GABBR2: variants seen among roughly 807,000 people sequenced by gnomAD.
GABBR2 encodes G-protein coupled receptor 51.
In GABBR2, 23 loss-of-function variants were observed where a neutral mutation model predicts 105.6. The observed-to-expected ratio is 0.22, with a 90% CI of 0.16 to 0.31. The LOEUF is 0.31. GABBR2 is among the 10% of genes least tolerant of loss of function. GABBR2 has a pLI of 1.00. For missense variants in GABBR2, 734 were observed against 1,245.5 expected (o/e 0.59, Z 6.18); for synonymous variants, 478 against 499.7 (o/e 0.96, Z 0.58).
chr9:98,636,488 T>C (rs1420644276), intron 1 of GABBR2, among the ~76,000 whole-genome samples: 1 of 99,252 alleles, frequency 1.0e-5, no homozygotes, highest in Non-Finnish European at 2.0e-5. Context: ...TTCCTTTCTT[T>C]TTTTTTTTTT....
chr9:98,566,117 C>A (rs537522498), intron 2 of GABBR2, among the ~76,000 whole-genome samples: 7 of 152,158 alleles, frequency 4.6e-5, no homozygotes, highest in Non-Finnish European at 8.8e-5. Context: ...CGAGAGCTGG[C>A]GAAGGTGACC....
intron 6 of GABBR2, among the ~76,000 whole-genome samples, chr9:98,461,034 C>T (rs1337606944): frequency 2.0e-5 from 3 of 152,190 alleles, no homozygotes; most frequent in African/African-American, 7.2e-5. Flanking sequence ...CTAAAATCCT[C>T]TATCTAGTCA....
Position 98,362,853 on chromosome 9 carries a change from G to A in GABBR2, c.1771-16C>T. On this transcript the variant is annotated splice_polypyrimidine_tract_variant and intron_variant, in intron 12 of 18. Coordinates refer to ENST00000259455, the MANE Select transcript of GABBR2 (RefSeq NM_005458.8). Reference sequence around the variant, plus strand: ...CCTTGATGATCTACAGAGCGGGAAGGAGCAGAGGGGAGCCGATGTGAGAGA... The same window carrying A: ...CCTTGATGATCTACAGAGCGGGAAGAAGCAGAGGGGAGCCGATGTGAGAGA... 2 of 1,530,886 alleles carry A rather than the reference G, an allele frequency of 1.3e-6. No individual in the cohort carries two copies. The highest frequency in any genetic ancestry group is 1.8e-6 in the Non-Finnish European group (2 of 1,141,198). 94.8% of individuals were successfully genotyped at this position (1,530,886 alleles called of 1,614,324 possible).
intron 2 of GABBR2, among the ~76,000 whole-genome samples, chr9:98,559,558 T>C: frequency 6.6e-6 from 1 of 152,274 alleles, no homozygotes; most frequent in East Asian, 1.9e-4. Flanking sequence ...AATTGTTTTA[T>C]GTCTCCATTT....
intron 2 of GABBR2, among the ~76,000 whole-genome samples, chr9:98,544,865 G>A (rs770486331): frequency 4.2e-4 from 64 of 152,152 alleles, no homozygotes; most frequent in Non-Finnish European, 8.1e-4. Context: ...TTTAGGTCCC[G>A]TAGTGAGTGC....
At chr9:98,343,515 T>C (rs1831249761) in intron 13 of GABBR2, among the ~76,000 whole-genome samples, 2 of 152,208 alleles carry the variant, frequency 1.3e-5, no homozygotes, top group African/African-American at 4.8e-5. Flanking sequence ...ACCATCTGTA[T>C]GTACTGAGTT....
At chr9:98,506,961 C>T (rs1827525947) in intron 3 of GABBR2, among the ~76,000 whole-genome samples, 1 of 152,162 alleles carries the variant, frequency 6.6e-6, no homozygotes, top group African/African-American at 2.4e-5. Flanking sequence ...CTCTCCCCAG[C>T]CCACCACTGC....
In GABBR2 at chr9:98,320,834, G is replaced by C. The variant is rs552824057; in HGVS notation, c.1894-9629C>G. Among the ~76,000 whole-genome samples the C allele has an allele frequency of 1.2e-4, 17 of 138,954 alleles. No homozygotes were observed. In the East Asian group the frequency reaches 3.7e-3, roughly 31 times the overall value. The allele number at this position is 138,954 out of a possible 152,430, so 91.2% of individuals were successfully genotyped here. A position where few individuals can be genotyped will look rare whatever the true frequency, so the allele number is the denominator to read the frequency against. On this transcript the variant is annotated intron_variant, in intron 13 of 18. Coordinates refer to ENST00000259455, the MANE Select transcript of GABBR2 (RefSeq NM_005458.8). ...CACACTCTGGGGACTGTTGTGGTGT[G>C]GGGGGAGGGGGGAGGGATAGCATTG... is the stretch of plus-strand genomic sequence containing the variant.
chr9:98,330,319 T>G (rs1478269902), intron 13 of GABBR2, among the ~76,000 whole-genome samples: 1 of 140,254 alleles, frequency 7.1e-6, no homozygotes, highest in Non-Finnish European at 1.5e-5. Flanking sequence ...CTAGTTGAAA[T>G]GCATGCATCT....
At chr9:98,352,458 C>G (rs1831416341) in intron 13 of GABBR2, among the ~76,000 whole-genome samples, 1 of 152,034 alleles carries the variant, frequency 6.6e-6, no homozygotes, top group African/African-American at 2.4e-5. Flanking sequence ...GCCCTAGGGC[C>G]CCTATGAAGT....
At chr9:98,435,571 C>T (rs1825887694) in intron 7 of GABBR2, among the ~76,000 whole-genome samples, 1 of 152,178 alleles carries the variant, frequency 6.6e-6, no homozygotes, top group Non-Finnish European at 1.5e-5. Context: ...TTAAAAACAG[C>T]AGTCAGGTTG....
chr9:98,592,291 AC>A (rs1829158456), intron 1 of GABBR2, among the ~76,000 whole-genome samples: 1 of 152,196 alleles, frequency 6.6e-6, no homozygotes, highest in Non-Finnish European at 1.5e-5. Flanking sequence ...CTTCCAGCCT[AC>A]CAGTGTGTGT....
chr9:98,395,277 C>T (rs575491964), intron 8 of GABBR2, among the ~76,000 whole-genome samples: 29 of 152,112 alleles, frequency 1.9e-4, no homozygotes, highest in African/African-American at 6.8e-4. Flanking sequence ...AGTTCCCATC[C>T]CTGAGCAGAG....
intron 13 of GABBR2, among the ~76,000 whole-genome samples, chr9:98,350,718 A>G (rs1174471901): frequency 6.6e-6 from 1 of 152,200 alleles, no homozygotes; most frequent in African/African-American, 2.4e-5. Flanking sequence ...TTCTGTAGCC[A>G]TTGGATGAAA....
intron 3 of GABBR2, among the ~76,000 whole-genome samples, chr9:98,508,679 C>A (rs1827567071): frequency 6.6e-6 from 1 of 152,182 alleles, no homozygotes; most frequent in Non-Finnish European, 1.5e-5. Flanking sequence ...GCACAGCAGT[C>A]CGAGATCAAG....
chr9:98,331,308 A>C (rs1831020403), intron 13 of GABBR2, among the ~76,000 whole-genome samples: 1 of 151,792 alleles, frequency 6.6e-6, no homozygotes, highest in African/African-American at 2.4e-5. Flanking sequence ...TAACGTTTTC[A>C]GGAAAGGATG....
chr9:98,516,641 C>G (rs1040418833), intron 3 of GABBR2, among the ~76,000 whole-genome samples: 8 of 152,166 alleles, frequency 5.3e-5, no homozygotes, highest in Non-Finnish European at 1.0e-4. Flanking sequence ...GCTGCTCCCA[C>G]GCAGTACCCA....
intron 7 of GABBR2, among the ~76,000 whole-genome samples, chr9:98,444,081 C>A (rs1826078736): frequency 6.6e-6 from 1 of 152,202 alleles, no homozygotes; most frequent in African/African-American, 2.4e-5. Flanking sequence ...CTGAGTAAAT[C>A]ATTGAACTTT....
intron 1 of GABBR2, chr9:98,580,988 ATTTGAGAAACTCC>A (rs1828993460): frequency 6.6e-6 from 1 of 152,152 alleles, no homozygotes; most frequent in African/African-American, 2.4e-5. Flanking sequence ...CTCTTCATTT[ATTTGAGAAACTCC>A]TCTGATCTGT....
Sources: allele counts gnomAD v4.1 joint callset (sites outside exome capture counted in the v4.1 genomes callset), GRCh38; gene constraint gnomAD v4.1.1; transcripts MANE v1.5; gene names NCBI Gene and HGNC (gene_info 2026-07-23, HGNC 2026-07-21).